Variants in SDK1 observed in about 807,000 individuals in gnomAD.
SDK1 encodes protein sidekick-1.
Under a neutral mutation model 245.5 loss-of-function variants are expected in SDK1, and 157 were observed. That is an observed-to-expected ratio of 0.64 (90% CI 0.56 to 0.73). SDK1 has a LOEUF of 0.73. Ranked by LOEUF, SDK1 falls within the 30% of genes least tolerant of loss-of-function variation. SDK1 has a pLI of 0.00. For synonymous variants in SDK1, 1,647 were observed against 1,278.5 expected (o/e 1.29, Z -6.15); for missense variants, 3,583 against 3,002.3 (o/e 1.19, Z -4.52).
At chr7:3,758,611 G>C (rs1299441967) in intron 4 of SDK1, among the ~76,000 whole-genome samples, 1 of 152,196 alleles carries the variant, frequency 6.6e-6, no homozygotes, top group Non-Finnish European at 1.5e-5. Flanking sequence ...TGTTTGACGT[G>C]CTCTTATCTT....
At chr7:3,951,174 G>A (rs770220035) in intron 6 of SDK1, 140 bp downstream of exon 6, 76 of 658,394 alleles carry the variant, frequency 1.2e-4, no homozygotes, top group Middle Eastern at 3.0e-4. Flanking sequence ...CCATGAATAC[G>A]AGATATGGGT....
chr7:3,883,356 C>T (rs559512593), intron 5 of SDK1, among the ~76,000 whole-genome samples: 4 of 152,338 alleles, frequency 2.6e-5, no homozygotes, highest in Non-Finnish European at 4.4e-5. Flanking sequence ...CTTGATAAGT[C>T]TTAAGCGAGG....
chr7:3,719,414 C>T (rs1562394175), intron 4 of SDK1, among the ~76,000 whole-genome samples: 1 of 152,018 alleles, frequency 6.6e-6, no homozygotes, highest in African/African-American at 2.4e-5. Context: ...TGACAGTAAT[C>T]GTGACTGTGT....
chr7:3,499,979 G>A (rs1782146856), intron 1 of SDK1, among the ~76,000 whole-genome samples: 1 of 152,208 alleles, frequency 6.6e-6, no homozygotes, highest in Non-Finnish European at 1.5e-5. Flanking sequence ...GCTGGGAATT[G>A]ACGGAGATAG....
intron 1 of SDK1, among the ~76,000 whole-genome samples, chr7:3,432,111 G>GT (rs2128584738): frequency 1.1e-5 from 1 of 88,058 alleles, no homozygotes; most frequent in African/African-American, 3.7e-5. Context: ...GCAGGCTGCA[G>GT]TAAAAAAAAA....
intron 1 of SDK1, among the ~76,000 whole-genome samples, chr7:3,468,973 G>T (rs1393590972): frequency 1.3e-5 from 2 of 152,162 alleles, no homozygotes; most frequent in African/African-American, 4.8e-5. Context: ...TTCCCTAATT[G>T]CTGAAGTTAC....
At chr7:3,855,194 C>T (rs994113397) in intron 5 of SDK1, among the ~76,000 whole-genome samples, 1 of 152,004 alleles carries the variant, frequency 6.6e-6, no homozygotes, top group Non-Finnish European at 1.5e-5. Context: ...TCTCTCACTG[C>T]AGGGGATAGA....
intron 5 of SDK1, among the ~76,000 whole-genome samples, chr7:3,830,598 C>T (rs1367723130): frequency 1.3e-5 from 2 of 152,096 alleles, no homozygotes; most frequent in Non-Finnish European, 2.9e-5. Context: ...TGGGCTCAAG[C>T]GATCCTCCCA....
chr7:3,384,851 T>C (rs1781571786), intron 1 of SDK1, among the ~76,000 whole-genome samples: 1 of 152,240 alleles, frequency 6.6e-6, no homozygotes. Context: ...TTTTACTTAC[T>C]GCAGTACCCG....
At chr7:3,865,481 G>A (rs946290199) in intron 5 of SDK1, among the ~76,000 whole-genome samples, 1 of 152,084 alleles carries the variant, frequency 6.6e-6, no homozygotes, top group African/African-American at 2.4e-5. Context: ...TAGAAACCAG[G>A]TGTCTATTTT....
At chr7:3,888,073 A>G (rs1363197410) in intron 5 of SDK1, among the ~76,000 whole-genome samples, 1 of 152,204 alleles carries the variant, frequency 6.6e-6, no homozygotes, top group Non-Finnish European at 1.5e-5. Flanking sequence ...GGAGACCAAA[A>G]GAGTTAGTAA....
At chr7:4,057,065 T>G (rs1779250629) in intron 19 of SDK1, among the ~76,000 whole-genome samples, 1 of 152,140 alleles carries the variant, frequency 6.6e-6, no homozygotes, top group South Asian at 2.1e-4. Flanking sequence ...CCAGGCACCC[T>G]GAGGTCAGAC....
chr7:3,533,034 C>A (rs1783402199), intron 1 of SDK1, among the ~76,000 whole-genome samples: 1 of 152,104 alleles, frequency 6.6e-6, no homozygotes, highest in Non-Finnish European at 1.5e-5. Flanking sequence ...GTAGAAAAAT[C>A]AAAACAGTCC....
intron 4 of SDK1, among the ~76,000 whole-genome samples, chr7:3,775,624 CG>C (rs1468998374): frequency 1.3e-5 from 2 of 150,290 alleles, no homozygotes; most frequent in African/African-American, 4.9e-5. Flanking sequence ...GGCCGGACTG[CG>C]GACTGCAGTG....
Position 4,267,920 on chromosome 7 carries a change from T to C in SDK1, c.*2536T>C. On this transcript the variant is annotated 3_prime_UTR_variant, in exon 45 of 45. Transcript: ENST00000404826. ...ACCTGTGCAAAGGAACAGAGCTGGA[T>C]GTTTCCAGGTAGATTTTGGCCTCCC... 1.0e-6 allele frequency: 1 copy of C among 985,468 alleles called. No homozygotes were observed. Among genetic ancestry groups the C allele is most frequent in the Non-Finnish European group, 1.2e-6 (1 of 829,980 alleles). 61.0% of individuals were successfully genotyped at this position (985,468 alleles called of 1,614,324 possible).
chr7:4,208,760 G>A (rs538263306), intron 37 of SDK1, among the ~76,000 whole-genome samples: 1 of 152,330 alleles, frequency 6.6e-6, no homozygotes, highest in East Asian at 1.9e-4. Flanking sequence ...CCTGGAGACT[G>A]CTCACTACAC....
rs28366924 is a variant in SDK1, at chr7:3,775,593, A to G, written c.714-45857A>G. On this transcript the variant is annotated intron_variant, in intron 4 of 44. Transcript: ENST00000404826. The stretch of plus-strand genomic sequence containing the variant: ...TTTTTTTCTTTTTTTTTTTTGAGAC[A>G]GAGTCTTGCTCTGTCGCCCAGGCCG... Among the ~76,000 whole-genome samples, 540 of 147,910 alleles carry G rather than the reference A, an allele frequency of 3.7e-3. 4 individuals are homozygous for G. Among genetic ancestry groups the G allele is most frequent in the African/African-American group, 0.013 (519 of 39,356 alleles).
intron 1 of SDK1, among the ~76,000 whole-genome samples, chr7:3,336,516 CATCAT>C (rs893016111): frequency 6.6e-6 from 1 of 152,182 alleles, no homozygotes; most frequent in Admixed American, 6.5e-5. Context: ...CTTCCATCCC[CATCAT>C]CCCCTGGTGG....
chr7:3,845,787 A>T (rs927173783), intron 5 of SDK1, among the ~76,000 whole-genome samples: 1 of 152,118 alleles, frequency 6.6e-6, no homozygotes, highest in Non-Finnish European at 1.5e-5. Flanking sequence ...TTGCTGTATG[A>T]AACCAAAATA....
Sources: allele counts gnomAD v4.1 joint callset (sites outside exome capture counted in the v4.1 genomes callset), GRCh38; gene constraint gnomAD v4.1.1; transcripts MANE v1.5; gene names NCBI Gene and HGNC (gene_info 2026-07-23, HGNC 2026-07-21).